The following UTP14C variants were observed in gnomAD, a reference collection of about 807,000 sequenced individuals.
UTP14C encodes the protein U3 small nucleolar RNA-associated protein 14 homolog C.
In UTP14C, 10 loss-of-function variants were observed where a neutral mutation model predicts 14.6. The ratio of observed to expected loss-of-function variants is 0.68; its 90% confidence interval spans 0.42 to 1.16. The LOEUF (loss-of-function observed/expected upper bound fraction) is 1.16, where lower values mean the gene tolerates loss of function less well. UTP14C is among the 50% of genes most tolerant of loss of function. The pLI is 0.00. For synonymous variants in UTP14C, 315 were observed against 331.6 expected, an observed-to-expected ratio of 0.95 and a Z score of 0.54; for missense variants, 818 against 890.8, an observed-to-expected ratio of 0.92 and a Z score of 1.04.
rs144752647 is a variant in UTP14C at position 52,029,130 on chromosome 13, T to A, written c.326T>A (p.Val109Asp). 8.9e-4 allele frequency: 1,433 copies of A among 1,613,812 alleles called. 8 individuals carry two copies. The Middle Eastern group carries it at 0.011, about 12-fold the overall frequency. Residue 109 changes from valine (V) to aspartate (D), a missense_variant, in exon 2 of 2, where the codon GTC (valine) becomes GAC (aspartate). Val to Asp is a radical substitution (Grantham distance 152). Coordinates refer to ENST00000521776, the MANE Select transcript of UTP14C (RefSeq NM_021645.6). Reference sequence around the variant, plus strand: ...ACTGTAAAAAAGCAACTGAATAGAGTCAAATCAAAGAAGGTGGTGGAGTTA... The same window carrying A: ...ACTGTAAAAAAGCAACTGAATAGAGACAAATCAAAGAAGGTGGTGGAGTTA... ...LATVKKQLNR[V>D]KSKKVVELPL... is the part of the protein sequence containing the mutation.
rs752511676 is a variant in UTP14C at position 52,030,796 on chromosome 13, A to G, written c.1992A>G (p.Pro664=). The G allele has an allele frequency of 5.6e-6, 9 of 1,614,082 alleles. No homozygotes were observed. The Middle Eastern group carries it at 4.9e-4, about 88-fold the overall frequency. ...EGPPRKDKNL[P]NVIISEKRNI... ...CTCCAAGAAAAGATAAGAATTTGCC[A>G]AATGTGATTATCAGTGAGAAGCGCA... The change falls in exon 2 of 2, where the codon CCA becomes CCG. Residue 664 remains proline, a synonymous_variant. Coordinates refer to ENST00000521776, the MANE Select transcript of UTP14C (RefSeq NM_021645.6).
In UTP14C at chr13:52,030,058, G is replaced by T; in HGVS notation, c.1254G>T (p.Leu418Phe). The T allele has an allele frequency of 6.2e-7, 1 of 1,614,208 alleles. No individual in the cohort carries two copies. Among genetic ancestry groups the T allele is most frequent in the South Asian group, 1.1e-5 (1 of 91,086 alleles). ...EERPVAEEEILLREFEERQSL... is the reference protein window; with the variant it reads ...EERPVAEEEIFLREFEERQSL... ...GACCAGTGGCAGAGGAAGAAATTTT[G>T]TTGAGAGAATTTGAGGAAAGGCAAT... Residue 418 changes from leucine to phenylalanine, a missense_variant, in exon 2 of 2, where the codon TTG (leucine) becomes TTT (phenylalanine). Transcript: ENST00000521776.
At position 52,029,898 on chromosome 13, in the gene UTP14C, T is replaced by A; in HGVS notation, c.1094T>A (p.Met365Lys). 6.2e-7 allele frequency: 1 copy of A among 1,614,166 alleles called. No homozygotes were observed. Among genetic ancestry groups the A allele is most frequent in the Non-Finnish European group, 8.5e-7 (1 of 1,180,024 alleles). Reference protein sequence around the residue: ...LVPHVANEVQMNVDGPNPWMF... With the variant: ...LVPHVANEVQKNVDGPNPWMF... The stretch of plus-strand genomic sequence containing the variant: ...CCTCATGTAGCGAATGAAGTGCAGA[T>A]GAATGTGGACGGACCGAATCCCTGG... Residue 365 changes from methionine (M) to lysine (K), a missense_variant, in exon 2 of 2, where the codon ATG becomes AAG. Physicochemically the swap from Met to Lys is moderately conservative, Grantham distance 95. Coordinates refer to ENST00000521776, the MANE Select transcript of UTP14C (RefSeq NM_021645.6).
rs747064031 is a variant in UTP14C, at chr13:52,030,440, G to C, written c.1636G>C (p.Ala546Pro). The change falls in exon 2 of 2, where the codon GCC (alanine) becomes CCC (proline). Residue 546 changes from alanine (A) to proline (P), a missense_variant. By Grantham distance (27) the Ala-to-Pro change is conservative. Transcript: ENST00000521776. The part of the protein sequence containing the change: ...SERTPNNRPD[A>P]PKEKKEKEQL... The stretch of plus-strand genomic sequence containing the variant: ...GAGGACCCCAAATAATCGGCCTGAT[G>C]CCCCTAAGGAGAAGAAAGAGAAGGA... The C allele has an allele frequency of 6.2e-6, 10 of 1,614,114 alleles. No homozygotes were observed. In the South Asian group the frequency reaches 1.1e-4, roughly 18 times the overall value.
Position 52,030,203 on chromosome 13 carries a change from GA to G in UTP14C, c.1404del (p.Lys468AsnfsTer45). 6.2e-7 allele frequency: 1 copy of G among 1,614,194 alleles called. No individual in the cohort carries two copies. The highest frequency in any genetic ancestry group is 8.5e-7 in the Non-Finnish European group (1 of 1,180,034). On this transcript the variant is annotated frameshift_variant, in exon 2 of 2. Coordinates refer to ENST00000521776, the MANE Select transcript of UTP14C (RefSeq NM_021645.6). LOFTEE classifies it low-confidence loss of function (END_TRUNC). ...ELRALSQKLK[E>X]KHQSRKQKAS... ...GAGGGCACTATCTCAGAAATTGAAG[GA>G]AAAACATCAGTCCAGGAAGCAAAAA...
In UTP14C at chr13:52,029,291, G is replaced by T. The variant is rs1259553954; in HGVS notation, c.487G>T (p.Glu163Ter). ...GCAGCTGGTTTTTCCCCTGGGGAAG[G>T]AGCAGCCAGCCATTGCTCCCATTGA... ...AEQLVFPLGK[E>*]QPAIAPIEHA... Residue 163 changes from glutamate to a stop codon, truncating the protein, a stop_gained, in exon 2 of 2, where the codon GAG (glutamate) becomes TAG (stop). Coordinates refer to ENST00000521776, the MANE Select transcript of UTP14C (RefSeq NM_021645.6). LOFTEE classifies it low-confidence loss of function (END_TRUNC). 2.5e-6 allele frequency: 4 copies of T among 1,614,068 alleles called. No individual in the cohort carries two copies. Among genetic ancestry groups the T allele is most frequent in the Non-Finnish European group, 3.4e-6 (4 of 1,180,050 alleles).
chr13:52,027,090 A>G (rs1265740008), intron 1 of UTP14C, among the ~76,000 whole-genome samples: 2 of 152,166 alleles, frequency 1.3e-5, no homozygotes, highest in African/African-American at 4.8e-5. Flanking sequence ...ATGCTGGGGA[A>G]GGTAAGGCAG....
chr13:52,029,508 A>G lies in UTP14C; in HGVS notation c.704A>G (p.Tyr235Cys), dbSNP rs141504171. 8.7e-6 allele frequency: 14 copies of G among 1,614,238 alleles called. No homozygotes were observed. The highest frequency in any genetic ancestry group is 4.5e-5 in the East Asian group (2 of 44,882). The change falls in exon 2 of 2, where the codon TAC (tyrosine) becomes TGC (cysteine). Residue 235 changes from tyrosine (Y) to cysteine (C), a missense_variant. Transcript: ENST00000521776. ...ELQRARALQSYYEAKARKEKK... is the reference protein window; with the variant it reads ...ELQRARALQSCYEAKARKEKK... ...CAGAGGGCTCGGGCTCTGCAGTCCT[A>G]CTATGAGGCCAAGGCTCGAAAAGAG... is the stretch of plus-strand genomic sequence containing the variant.
At chr13:52,026,373 T>C (rs1468205291) in intron 1 of UTP14C, among the ~76,000 whole-genome samples, 1 of 151,964 alleles carries the variant, frequency 6.6e-6, no homozygotes. Context: ...TGGAAAAAAA[T>C]AGCAGGATTT....
At chr13:52,026,372 A>T (rs567709094) in intron 1 of UTP14C, among the ~76,000 whole-genome samples, 21 of 152,342 alleles carry the variant, frequency 1.4e-4, no homozygotes, top group Non-Finnish European at 8.8e-5. Flanking sequence ...GTGGAAAAAA[A>T]TAGCAGGATT....
chr13:52,030,621 A>G lies in UTP14C; in HGVS notation c.1817A>G (p.Asp606Gly), dbSNP rs559486838. The G allele has an allele frequency of 5.6e-6, 9 of 1,614,180 alleles. No homozygotes were observed. Among genetic ancestry groups the G allele is most frequent in the Non-Finnish European group, 7.6e-6 (9 of 1,180,030 alleles). The change falls in exon 2 of 2, where the codon GAT (aspartate) becomes GGT (glycine). Residue 606 changes from aspartate (D) to glycine (G), a missense_variant. Coordinates refer to ENST00000521776, the MANE Select transcript of UTP14C (RefSeq NM_021645.6). ...EAFAGDDVIR[D>G]FLKEKREAVE... is the part of the protein sequence containing the mutation. ...TTTGCTGGGGATGATGTCATCAGAG[A>G]TTTCTTGAAAGAGAAGAGGGAAGCT...
At position 52,028,422 on chromosome 13, in the gene UTP14C, TCTGG is replaced by T; in HGVS notation, c.-379_-376del. On this transcript the variant is annotated 5_prime_UTR_variant, in exon 2 of 2. An upstream open reading frame in the 5' UTR gains an earlier in-frame stop. Coordinates refer to ENST00000521776, the MANE Select transcript of UTP14C (RefSeq NM_021645.6). ...CTCACGAAGGAGATATAACTGGCTT[TCTGG>T]CTGAGAGTGAAGAAGACTATGCTGA... 1.2e-6 allele frequency: 2 copies of T among 1,614,196 alleles called. No individual in the cohort carries two copies.
Position 52,032,227 on chromosome 13 carries a change from GAAAAA to G in UTP14C, c.*1125_*1129del, listed in dbSNP as rs1002006731. The G allele has an allele frequency of 1.9e-5, 3 of 160,702 alleles. No homozygotes were observed. The highest frequency in any genetic ancestry group is 7.3e-5 in the African/African-American group (3 of 41,254). The allele number at this position is 160,702 out of a possible 1,614,324, so 10.0% of individuals were successfully genotyped here. On this transcript the variant is annotated 3_prime_UTR_variant, in exon 2 of 2. Transcript: ENST00000521776. ...ATAAGCAAAACTCCATCTCAAAAAAGAAAAAAAGGAAAAAGAAAATTATGAGAGTT... is the reference window on the plus strand; with the variant it reads ...ATAAGCAAAACTCCATCTCAAAAAAGAAGGAAAAAGAAAATTATGAGAGTT...
intron 1 of UTP14C, among the ~76,000 whole-genome samples, chr13:52,028,094 TAAAAA>T (rs142915895): frequency 6.9e-6 from 1 of 144,240 alleles, no homozygotes; most frequent in Non-Finnish European, 1.5e-5. Flanking sequence ...CCCTATCTCT[TAAAAA>T]AAAAAAAGTG....
rs200256413 is a variant in UTP14C, at chr13:52,030,646, T to C, written c.1842T>C (p.Ala614=). The stretch of plus-strand genomic sequence containing the variant: ...ATTTCTTGAAAGAGAAGAGGGAAGC[T>C]GTGGAGGCGAGTAAGCCAAAGGACG... ...IRDFLKEKRE[A]VEASKPKDVD... is the part of the protein sequence containing the mutation. Residue 614 remains alanine, a synonymous_variant, in exon 2 of 2, where the codon GCT becomes GCC. Coordinates refer to ENST00000521776, the MANE Select transcript of UTP14C (RefSeq NM_021645.6). 2.6e-5 allele frequency: 42 copies of C among 1,614,112 alleles called. No individual in the cohort carries two copies. In the East Asian group the frequency reaches 9.1e-4, roughly 35 times the overall value.
At chr13:52,025,110 G>C (rs1954228375) in intron 1 of UTP14C, among the ~76,000 whole-genome samples, 173 bp downstream of exon 1, 1 of 152,158 alleles carries the variant, frequency 6.6e-6, no homozygotes, top group Non-Finnish European at 1.5e-5. Flanking sequence ...AATAATAGCA[G>C]CTAGTATTTA....
In UTP14C at chr13:52,029,833, GGAA is replaced by G; in HGVS notation, c.1032_1034del (p.Glu346del). The G allele has an allele frequency of 6.2e-7, 1 of 1,614,212 alleles. No individual in the cohort carries two copies. The highest frequency in any genetic ancestry group is 8.5e-7 in the Non-Finnish European group (1 of 1,180,032). ...AACTCCAGGTAGCCTCTGAGAGTGAGGAAGAGGAGGGAGGCACAGAAGTGGAAG... is the reference window on the plus strand; with the variant it reads ...AACTCCAGGTAGCCTCTGAGAGTGAGGAGGAGGGAGGCACAGAAGTGGAAG... On this transcript the variant is annotated inframe_deletion, in exon 2 of 2. Coordinates refer to ENST00000521776, the MANE Select transcript of UTP14C (RefSeq NM_021645.6).
rs372412800 is a variant in UTP14C at position 52,030,432 on chromosome 13, G to A, written c.1628G>A (p.Arg543Gln). Residue 543 changes from arginine to glutamine, a missense_variant, in exon 2 of 2, where the codon CGG becomes CAG. Transcript: ENST00000521776. Reference sequence around the variant, plus strand: ...CAGTCAGAGAGGACCCCAAATAATCGGCCTGATGCCCCTAAGGAGAAGAAA... The same window carrying A: ...CAGTCAGAGAGGACCCCAAATAATCAGCCTGATGCCCCTAAGGAGAAGAAA... ...GQQSERTPNN[R>Q]PDAPKEKKEK... The A allele has an allele frequency of 5.8e-5, 93 of 1,614,044 alleles. No homozygotes were observed. In the East Asian group the frequency reaches 7.1e-4, roughly 12 times the overall value.
rs897344796 is a variant in UTP14C, at chr13:52,033,362, T to G, written c.*2257T>G. On this transcript the variant is annotated 3_prime_UTR_variant, in exon 2 of 2. Transcript: ENST00000521776. ...GTGTTACATAGGTTTTGTGTAATAA[T>G]TATTTGTAAATATTATTTAGATTTG... 1 of 167,112 alleles carries G rather than the reference T, an allele frequency of 6.0e-6. No homozygotes were observed. The highest frequency in any genetic ancestry group is 1.5e-5 in the Non-Finnish European group (1 of 68,116). The allele number at this position is 167,112 out of a possible 1,614,324, so 10.4% of individuals were successfully genotyped here.
Sources: allele counts gnomAD v4.1 joint callset (sites outside exome capture counted in the v4.1 genomes callset), GRCh38; gene constraint gnomAD v4.1.1; transcripts MANE v1.5; gene names NCBI Gene and HGNC (gene_info 2026-07-23, HGNC 2026-07-21).